KHDRBS2: variants seen among roughly 807,000 people sequenced by gnomAD.
The protein encoded by KHDRBS2 is KH RNA binding domain containing, signal transduction associated 2, also known as KH domain-containing, RNA-binding, signal transduction-associated protein 2.
KHDRBS2 carries 26 observed loss-of-function variants against 44.3 expected under a neutral mutation model. The observed-to-expected ratio is 0.59, with a 90% CI of 0.43 to 0.81. KHDRBS2 has a LOEUF of 0.81. Among genes scored for constraint, KHDRBS2 ranks in the 40% least tolerant of loss-of-function variants. The pLI, the probability that KHDRBS2 is intolerant of heterozygous loss-of-function variation, is 0.00. For missense variants in KHDRBS2, 476 were observed against 433.1 expected (o/e 1.10, Z -0.88); for synonymous variants, 194 against 151.1 (o/e 1.28, Z -2.08).
intron 1 of KHDRBS2, among the ~76,000 whole-genome samples, chr6:62,198,209 C>T (rs916830302): frequency 5.3e-5 from 8 of 152,136 alleles, no homozygotes; most frequent in African/African-American, 1.9e-4. Context: ...CATTCAAAAG[C>T]CAGCCGAAGG....
At chr6:61,908,836 C>T (rs571931038) in intron 4 of KHDRBS2, among the ~76,000 whole-genome samples, 10 of 152,024 alleles carry the variant, frequency 6.6e-5, no homozygotes, top group South Asian at 2.1e-4. Context: ...TACAAATTAC[C>T]GGGATTCCAC....
the KHDRBS2 span, among the ~76,000 whole-genome samples, chr6:61,559,961 G>A: frequency 2.0e-5 from 3 of 152,100 alleles, no homozygotes; most frequent in South Asian, 4.1e-4. Context: ...TTTTCAGACT[G>A]AATAACTCCA....
chr6:61,799,479 A>G (rs915944498), intron 6 of KHDRBS2, among the ~76,000 whole-genome samples: 2 of 152,070 alleles, frequency 1.3e-5, no homozygotes, highest in African/African-American at 4.8e-5. Context: ...TTAATGAAAC[A>G]AAGTAATGTC....
intron 2 of KHDRBS2, among the ~76,000 whole-genome samples, chr6:62,127,212 T>C (rs1809174585): frequency 6.6e-6 from 1 of 152,168 alleles, no homozygotes; most frequent in East Asian, 1.9e-4. Context: ...TACATAATTG[T>C]CATGTATATA....
chr6:61,584,559 C>A, the KHDRBS2 span, among the ~76,000 whole-genome samples: 1 of 151,708 alleles, frequency 6.6e-6, no homozygotes, highest in African/African-American at 2.4e-5. Context: ...AAACGTTTAT[C>A]ATTTTTTGTA....
At chr6:61,573,436 C>G in the KHDRBS2 span, among the ~76,000 whole-genome samples, 4 of 151,730 alleles carry the variant, frequency 2.6e-5, no homozygotes, top group Non-Finnish European at 5.9e-5. Context: ...CAAAGTATGC[C>G]CATCATCATT....
intron 1 of KHDRBS2, among the ~76,000 whole-genome samples, chr6:62,267,397 T>G (rs1399380018): frequency 6.6e-6 from 1 of 152,042 alleles, no homozygotes; most frequent in Non-Finnish European, 1.5e-5. Context: ...TAATGCCAAG[T>G]TCCCATCAGA....
chr6:62,126,634 G>A (rs1360814722), intron 2 of KHDRBS2, among the ~76,000 whole-genome samples: 1 of 152,174 alleles, frequency 6.6e-6, no homozygotes, highest in Non-Finnish European at 1.5e-5. Context: ...GCTCACCACA[G>A]ACAGACTTCA....
At chr6:61,561,417 G>A in the KHDRBS2 span, among the ~76,000 whole-genome samples, 2 of 152,110 alleles carry the variant, frequency 1.3e-5, no homozygotes, top group African/African-American at 4.8e-5. Flanking sequence ...AAATCAGTAG[G>A]TCCTTCTACG....
intron 3 of KHDRBS2, among the ~76,000 whole-genome samples, chr6:61,984,683 T>C (rs754301629): frequency 3.3e-5 from 5 of 152,164 alleles, no homozygotes; most frequent in African/African-American, 7.2e-5. Flanking sequence ...ATAAACTTTA[T>C]CTCTGGCTAT....
chr6:61,779,774 G>C (rs1782654685), intron 6 of KHDRBS2, among the ~76,000 whole-genome samples: 1 of 151,960 alleles, frequency 6.6e-6, no homozygotes. Context: ...TTGTTGTTCT[G>C]CTTATAACCC....
At chr6:61,955,995 T>C (rs532279766) in intron 4 of KHDRBS2, among the ~76,000 whole-genome samples, 16 of 151,974 alleles carry the variant, frequency 1.1e-4, no homozygotes, top group Admixed American at 1.0e-3. Flanking sequence ...CGTATTGAGA[T>C]CATCCTGGCC....
chr6:61,790,063 C>A (rs1408041012), intron 6 of KHDRBS2, among the ~76,000 whole-genome samples: 2 of 151,298 alleles, frequency 1.3e-5, no homozygotes, highest in East Asian at 1.9e-4. Flanking sequence ...AGGCATATAA[C>A]CCCCTGTAAA....
chr6:61,728,037 T>C (rs745399203), intron 7 of KHDRBS2, among the ~76,000 whole-genome samples: 1 of 151,936 alleles, frequency 6.6e-6, no homozygotes, highest in African/African-American at 2.4e-5. Context: ...CCATGTTGGG[T>C]TGATTACCCA....
intron 1 of KHDRBS2, among the ~76,000 whole-genome samples, chr6:62,240,492 C>G (rs1834420392): frequency 6.6e-6 from 1 of 151,114 alleles, no homozygotes; most frequent in Non-Finnish European, 1.5e-5. Flanking sequence ...GCTGAAAGAA[C>G]AAGGAAATAA....
chr6:61,773,090 A>G (rs367797960), intron 6 of KHDRBS2, among the ~76,000 whole-genome samples: 4 of 152,110 alleles, frequency 2.6e-5, no homozygotes, highest in African/African-American at 9.7e-5. Flanking sequence ...GAATAGTGCC[A>G]CAATAAACAT....
At chr6:62,257,882 AT>A (rs555392161) in intron 1 of KHDRBS2, among the ~76,000 whole-genome samples, 3 of 151,832 alleles carry the variant, frequency 2.0e-5, no homozygotes, top group Admixed American at 6.6e-5. Flanking sequence ...ATTACAGAAA[AT>A]TTTTTCTCCT....
chr6:61,700,889 TC>T, intron 7 of KHDRBS2, among the ~76,000 whole-genome samples: 2 of 151,976 alleles, frequency 1.3e-5, no homozygotes, highest in South Asian at 4.1e-4. Context: ...ACTGCTTGCC[TC>T]GGGGATTGTT....
chr6:62,105,097 T>C (rs1277694342), intron 2 of KHDRBS2, among the ~76,000 whole-genome samples: 1 of 152,134 alleles, frequency 6.6e-6, no homozygotes, highest in African/African-American at 2.4e-5. Context: ...AAAATGATCA[T>C]TTGTACAGTC....
Sources: gnomAD v4.1 joint callset for allele counts (sites outside exome capture counted in the v4.1 genomes callset) on GRCh38, gnomAD v4.1.1 for gene constraint, MANE v1.5 for transcripts, NCBI Gene and HGNC (gene_info 2026-07-23, HGNC 2026-07-21) for gene names.